The following CDH4 variants were observed in gnomAD, a reference collection of about 807,000 sequenced individuals.
CDH4 encodes cadherin 4.
Under a neutral mutation model 86.0 loss-of-function variants are expected in CDH4, and 33 were observed. The observed-to-expected ratio is 0.38, with a 90% CI of 0.29 to 0.51. CDH4 has a LOEUF of 0.51. Among genes scored for constraint, CDH4 ranks in the 20% least tolerant of loss-of-function variants. The probability of loss-of-function intolerance (pLI) is 0.86; values close to 1 mark genes in which losing one functional copy is unlikely to be tolerated. For synonymous variants in CDH4, 555 were observed against 549.4 expected (o/e 1.01, Z -0.14); for missense variants, 1,114 against 1,307.4 (o/e 0.85, Z 2.28).
At chr20:61,443,514 T>G (rs1433230692) in intron 2 of CDH4, among the ~76,000 whole-genome samples, 1 of 152,240 alleles carries the variant, frequency 6.6e-6, no homozygotes, top group Non-Finnish European at 1.5e-5. Context: ...ATTATTCCTT[T>G]TGTCTTGGCA....
intron 2 of CDH4, among the ~76,000 whole-genome samples, chr20:61,713,642 C>T (rs553458984): frequency 8.5e-5 from 13 of 152,360 alleles, no homozygotes; most frequent in East Asian, 3.9e-4. Flanking sequence ...CCCACGCCAG[C>T]GCTGAGTGAG....
Position 61,811,916 on chromosome 20 carries a change from C to T in CDH4, c.577-32752C>T, listed in dbSNP as rs966903367. 1.5e-4 allele frequency among the ~76,000 whole-genome samples: 23 copies of T among 152,122 alleles called. No individual in the cohort carries two copies. The highest frequency in any genetic ancestry group is 3.4e-4 in the Non-Finnish European group (23 of 68,020). Reference sequence around the variant, plus strand: ...CGAACTCCTGACCGCAGGTGATCCACCTACCTCGGCCTCCCAAAGTGCTAG... The same window carrying T: ...CGAACTCCTGACCGCAGGTGATCCATCTACCTCGGCCTCCCAAAGTGCTAG... On this transcript the variant is annotated intron_variant, in intron 4 of 15. Coordinates refer to ENST00000614565, the MANE Select transcript of CDH4 (RefSeq NM_001794.5). This position sits in a 1 kb window ranked among gnomAD's most constrained non-coding sequence, Gnocchi z 4.4.
chr20:61,289,271 A>C (rs1397451770), intron 2 of CDH4, among the ~76,000 whole-genome samples: 1 of 152,144 alleles, frequency 6.6e-6, no homozygotes, highest in Non-Finnish European at 1.5e-5. Context: ...ACGCTCCCTC[A>C]GTCTATGGGT....
At chr20:61,563,187 T>C (rs1489957531) in intron 2 of CDH4, among the ~76,000 whole-genome samples, 1 of 152,250 alleles carries the variant, frequency 6.6e-6, no homozygotes. Flanking sequence ...GAGCCCAGGC[T>C]TGGCACTGCC....
intron 2 of CDH4, among the ~76,000 whole-genome samples, chr20:61,692,299 G>A (rs1191428809): frequency 6.6e-6 from 1 of 152,118 alleles, no homozygotes; most frequent in African/African-American, 2.4e-5. Context: ...GTGTCTGTGT[G>A]TGTGTGTATG....
At chr20:61,549,204 C>T (rs148343855) in intron 2 of CDH4, among the ~76,000 whole-genome samples, 12 of 152,240 alleles carry the variant, frequency 7.9e-5, no homozygotes, top group African/African-American at 2.9e-4. Flanking sequence ...CTTCTGACCC[C>T]AAGGTTGAAC....
intron 3 of CDH4, among the ~76,000 whole-genome samples, chr20:61,753,148 T>C (rs932284461): frequency 1.7e-4 from 26 of 152,112 alleles, no homozygotes; most frequent in African/African-American, 6.3e-4. Context: ...CTTCAAAGCA[T>C]CAGTTTACAG....
At chr20:61,564,506 C>G (rs980120282) in intron 2 of CDH4, among the ~76,000 whole-genome samples, 1 of 152,054 alleles carries the variant, frequency 6.6e-6, no homozygotes, top group Non-Finnish European at 1.5e-5. Flanking sequence ...TGTGGCACCT[C>G]CCCCTCCCTC....
intron 2 of CDH4, among the ~76,000 whole-genome samples, chr20:61,262,218 G>T (rs546368228): frequency 3.3e-5 from 5 of 152,170 alleles, no homozygotes; most frequent in Admixed American, 2.6e-4. Context: ...GCTCCCTGAC[G>T]GCCTCTCTTG....
intron 4 of CDH4, among the ~76,000 whole-genome samples, chr20:61,831,681 C>A (rs1324211200): frequency 6.6e-6 from 1 of 152,276 alleles, no homozygotes; most frequent in Non-Finnish European, 1.5e-5. Flanking sequence ...CCCAGGCCCA[C>A]CCTGCACACC....
At chr20:61,799,877 G>A (rs1050832055) in intron 4 of CDH4, among the ~76,000 whole-genome samples, 5 of 152,176 alleles carry the variant, frequency 3.3e-5, no homozygotes, top group African/African-American at 1.2e-4. Flanking sequence ...CACGGTCCCT[G>A]CGGGGCCTCG....
At chr20:61,901,709 T>G (rs577832936) in intron 8 of CDH4, among the ~76,000 whole-genome samples, 1 of 152,320 alleles carries the variant, frequency 6.6e-6, no homozygotes, top group South Asian at 2.1e-4. Context: ...AAGGCCTCAT[T>G]AGGACCAGCC....
At chr20:61,292,627 C>T (rs1272397356) in intron 2 of CDH4, among the ~76,000 whole-genome samples, 97 of 152,236 alleles carry the variant, frequency 6.4e-4, no homozygotes, top group Non-Finnish European at 8.8e-5. Flanking sequence ...GACGGCCCAG[C>T]CCCAGCTGCC....
chr20:61,907,520 C>T (rs2054803499), intron 8 of CDH4, among the ~76,000 whole-genome samples: 1 of 152,190 alleles, frequency 6.6e-6, no homozygotes, highest in Admixed American at 6.5e-5. Flanking sequence ...CCCTGCTATC[C>T]CCCAGTAGGC....
intron 2 of CDH4, among the ~76,000 whole-genome samples, chr20:61,564,128 T>C (rs1481956596): frequency 6.6e-6 from 1 of 152,152 alleles, no homozygotes; most frequent in Non-Finnish European, 1.5e-5. Context: ...AGGACATCAG[T>C]GGTTGGGTTT....
chr20:61,255,033 T>G (rs1263882125), intron 2 of CDH4, 96 bp downstream of exon 2: 4 of 775,678 alleles, frequency 5.2e-6, no homozygotes, highest in Non-Finnish European at 9.2e-6. Flanking sequence ...CTCATCTTTG[T>G]GCTCTCTGTG....
At chr20:61,301,066 C>T (rs1331225540) in intron 2 of CDH4, among the ~76,000 whole-genome samples, 1 of 152,244 alleles carries the variant, frequency 6.6e-6, no homozygotes, top group Admixed American at 6.5e-5. Context: ...CGCAGTGTGC[C>T]CGGGGCTGCG....
intron 2 of CDH4, among the ~76,000 whole-genome samples, chr20:61,611,070 A>C (rs2086681693): frequency 6.6e-6 from 1 of 151,892 alleles, no homozygotes; most frequent in Non-Finnish European, 1.5e-5. Context: ...GGGCCCCCTC[A>C]GGCTCTTCGG....
chr20:61,605,886 GAA>G (rs529210946), intron 2 of CDH4, among the ~76,000 whole-genome samples: 41,109 of 125,710 alleles, frequency 0.33, 6,534 homozygotes, highest in South Asian at 0.43. Context: ...GGCTGTGGAG[GAA>G]AAAAAAAAAA....
Sources: allele counts gnomAD v4.1 joint callset (sites outside exome capture counted in the v4.1 genomes callset), GRCh38; gene constraint gnomAD v4.1.1; non-coding constraint Gnocchi (gnomAD v3.1); transcripts MANE v1.5; gene names NCBI Gene and HGNC (gene_info 2026-07-23, HGNC 2026-07-21).